Variants in CCDC91 observed in about 807,000 individuals in gnomAD.
CCDC91 encodes the protein coiled-coil domain containing 91.
A neutral mutation model predicts 63.2 loss-of-function variants in CCDC91; 48 were observed. That is an observed-to-expected ratio of 0.76 (90% CI 0.60 to 0.97). The LOEUF is 0.97. CCDC91 is among the 50% of genes least tolerant of loss of function. CCDC91 has a pLI of 0.00. For missense variants in CCDC91, 500 were observed against 494.6 expected (o/e 1.01, Z -0.10); for synonymous variants, 167 against 165.8 (o/e 1.01, Z -0.06).
chr12:28,197,918 T>G (rs1009076607), intron 1 of CCDC91, among the ~76,000 whole-genome samples: 8 of 152,094 alleles, frequency 5.3e-5, no homozygotes, highest in African/African-American at 1.9e-4. Flanking sequence ...GATACAACAA[T>G]TTATTTATTT....
chr12:28,342,774 A>G (rs1212915024), intron 6 of CCDC91, among the ~76,000 whole-genome samples: 1 of 152,176 alleles, frequency 6.6e-6, no homozygotes, highest in East Asian at 1.9e-4. Flanking sequence ...ATGTGGGTTC[A>G]GGTACATACA....
At chr12:28,264,585 C>CTGTGTGTGTGTGTGTGTGTG (rs34854850) in intron 3 of CCDC91, among the ~76,000 whole-genome samples, 26 of 137,316 alleles carry the variant, frequency 1.9e-4, no homozygotes, top group East Asian at 1.3e-3. Context: ...ATATGTCTGT[C>CTGTGTGTGTGTGTGTGTGTG]TGTGTGTGTG....
chr12:28,281,354 C>T (rs574046582), intron 3 of CCDC91, among the ~76,000 whole-genome samples: 2 of 152,196 alleles, frequency 1.3e-5, no homozygotes, highest in Admixed American at 6.5e-5. Context: ...TCAGGAAGGG[C>T]GGGTTAGAAC....
At chr12:28,305,413 T>C (rs1938606384) in intron 3 of CCDC91, among the ~76,000 whole-genome samples, 1 of 152,098 alleles carries the variant, frequency 6.6e-6, no homozygotes, top group African/African-American at 2.4e-5. Context: ...AAAACTATTT[T>C]GTTTGCCTGG....
chr12:28,474,142 T>C (rs1950962881), intron 11 of CCDC91, among the ~76,000 whole-genome samples: 1 of 152,162 alleles, frequency 6.6e-6, no homozygotes, highest in Non-Finnish European at 1.5e-5. Context: ...ACAGTCTCAT[T>C]GCATAATAAA....
intron 12 of CCDC91, among the ~76,000 whole-genome samples, chr12:28,511,289 TC>T (rs1939349289): frequency 6.6e-6 from 1 of 151,828 alleles, no homozygotes; most frequent in Admixed American, 6.6e-5. Context: ...GCAGCTAAAT[TC>T]CCAGAGCATA....
At chr12:28,292,199 T>C (rs927018841) in intron 3 of CCDC91, among the ~76,000 whole-genome samples, 1 of 152,260 alleles carries the variant, frequency 6.6e-6, no homozygotes, top group African/African-American at 2.4e-5. Context: ...ATTAAAATGA[T>C]GTATGACATA....
At chr12:28,497,206 C>G (rs1952350094) in intron 12 of CCDC91, among the ~76,000 whole-genome samples, 1 of 151,288 alleles carries the variant, frequency 6.6e-6, no homozygotes, top group Non-Finnish European at 1.5e-5. Context: ...TCCCTCTAAT[C>G]AATTAATCTG....
intron 3 of CCDC91, among the ~76,000 whole-genome samples, chr12:28,281,429 C>T (rs1948605099): frequency 6.6e-6 from 1 of 152,158 alleles, no homozygotes; most frequent in African/African-American, 2.4e-5. Flanking sequence ...GAAGTCTCAA[C>T]TCTGCTTTTT....
intron 11 of CCDC91, among the ~76,000 whole-genome samples, chr12:28,458,626 C>A (rs1465923869): frequency 2.6e-5 from 4 of 151,788 alleles, no homozygotes; most frequent in Non-Finnish European, 5.9e-5. Flanking sequence ...CACACCACCA[C>A]ACCTGGCTAA....
chr12:28,214,395 C>T (rs943273311), intron 1 of CCDC91, among the ~76,000 whole-genome samples: 7 of 151,996 alleles, frequency 4.6e-5, no homozygotes, highest in Non-Finnish European at 8.8e-5. Flanking sequence ...TACTATGATC[C>T]AGATCCTTCA....
chr12:28,496,911 A>T (rs1238550066), intron 12 of CCDC91, among the ~76,000 whole-genome samples: 1 of 146,666 alleles, frequency 6.8e-6, no homozygotes, highest in African/African-American at 2.5e-5. Flanking sequence ...ATATACACAC[A>T]TATATAAGGT....
chr12:28,338,258 C>CTTTTTT (rs71039893), intron 6 of CCDC91, among the ~76,000 whole-genome samples: 1 of 143,806 alleles, frequency 7.0e-6, no homozygotes. Context: ...CCTTATGGAT[C>CTTTTTT]TTTTTTTTTT....
In CCDC91 at chr12:28,394,711, G is replaced by GCT. The variant is rs151131648; in HGVS notation, c.762+3320_762+3321dup. Among the ~76,000 whole-genome samples the GCT allele has an allele frequency of 1.9e-3, 262 of 136,988 alleles. 1 individual carries two copies. Among genetic ancestry groups the GCT allele is most frequent in the East Asian group, 0.018 (87 of 4,918 alleles). The allele number at this position is 136,988 out of a possible 152,430, so 89.9% of individuals were successfully genotyped here. Reference sequence around the variant, plus strand: ...TTTGGTTCAACCTTTTCTGTTTCTTGCTCTCTCTCTCTCTCTCTCTCCCCC... The same window carrying GCT: ...TTTGGTTCAACCTTTTCTGTTTCTTGCTCTCTCTCTCTCTCTCTCTCTCCCCC... On this transcript the variant is annotated intron_variant, in intron 8 of 12. Transcript: ENST00000536442.
intron 6 of CCDC91, among the ~76,000 whole-genome samples, chr12:28,331,827 T>C (rs1337024981): frequency 6.6e-6 from 1 of 152,166 alleles, no homozygotes; most frequent in African/African-American, 2.4e-5. Flanking sequence ...CCTAGTTTTT[T>C]CTAGGAATAG....
At chr12:28,539,623 A>G (rs1942478353) in intron 12 of CCDC91, among the ~76,000 whole-genome samples, 1 of 152,098 alleles carries the variant, frequency 6.6e-6, no homozygotes, top group Admixed American at 6.6e-5. Flanking sequence ...TGCTATTGCC[A>G]TTTTTAGGCA....
At chr12:28,206,570 A>T (rs2135457375) in intron 1 of CCDC91, among the ~76,000 whole-genome samples, 3 of 152,248 alleles carry the variant, frequency 2.0e-5, no homozygotes, top group Middle Eastern at 6.8e-3. Context: ...CCTAAACTCA[A>T]ATAGATCAGA....
chr12:28,444,735 C>A (rs1345480563), intron 8 of CCDC91, among the ~76,000 whole-genome samples: 1 of 152,076 alleles, frequency 6.6e-6, no homozygotes, highest in Non-Finnish European at 1.5e-5. Context: ...GGGTACTGGG[C>A]TTAGTACTTT....
At chr12:28,282,168 T>C (rs1217782642) in intron 3 of CCDC91, among the ~76,000 whole-genome samples, 1 of 152,152 alleles carries the variant, frequency 6.6e-6, no homozygotes, top group Non-Finnish European at 1.5e-5. Context: ...GGTAATGCGT[T>C]TTATTTTTCT....
Sources: allele counts gnomAD v4.1 joint callset (sites outside exome capture counted in the v4.1 genomes callset), GRCh38; gene constraint gnomAD v4.1.1; transcripts MANE v1.5; gene names NCBI Gene and HGNC (gene_info 2026-07-23, HGNC 2026-07-21).